Variants in PTPN14 observed in about 807,000 individuals in gnomAD.
The protein encoded by PTPN14 is tyrosine-protein phosphatase non-receptor type 14.
PTPN14 carries 53 observed loss-of-function variants against 126.8 expected under a neutral mutation model. The ratio of observed to expected loss-of-function variants is 0.42; its 90% CI spans 0.34 to 0.53. PTPN14 has a LOEUF of 0.53. PTPN14 is among the 20% of genes least tolerant of loss of function. PTPN14 has a pLI of 0.08. For missense variants in PTPN14, 1,257 were observed against 1,552.9 expected (o/e 0.81, Z 3.20); for synonymous variants, 630 against 599.3 (o/e 1.05, Z -0.75).
In PTPN14 at chr1:214,350,910, T is replaced by C. The variant is rs1316516770; in HGVS notation, c.*7012A>G. On this transcript the variant is annotated 3_prime_UTR_variant, in exon 19 of 19. Coordinates refer to ENST00000366956, the MANE Select transcript of PTPN14 (RefSeq NM_005401.5). ...AACTATACAAGCAATTTTTAAAAAA[T>C]TAAAATAAGATTTCCTAATTACATA... 6.6e-6 allele frequency: 1 copy of C among 151,732 alleles called. No individual in the cohort carries two copies. 9.4% of individuals were successfully genotyped at this position (151,732 alleles called of 1,614,324 possible). A position where few individuals can be genotyped will look rare whatever the true frequency, so the allele number is the denominator to read the frequency against.
chr1:214,481,876 A>T (rs1279871332), intron 1 of PTPN14, among the ~76,000 whole-genome samples: 1 of 151,912 alleles, frequency 6.6e-6, no homozygotes, highest in Non-Finnish European at 1.5e-5. Context: ...AGTCCCAGCT[A>T]CTTGGGAGGC....
At chr1:214,391,879 A>G (rs1285259523) in intron 10 of PTPN14, among the ~76,000 whole-genome samples, 2 of 152,202 alleles carry the variant, frequency 1.3e-5, no homozygotes, top group Admixed American at 1.3e-4. Flanking sequence ...GACTGGCTAA[A>G]TAATACAATA....
At chr1:214,366,744 C>T (rs1010078015) in intron 17 of PTPN14, among the ~76,000 whole-genome samples, 13 of 152,214 alleles carry the variant, frequency 8.5e-5, no homozygotes, top group East Asian at 7.7e-4. Context: ...CGGTGGCTCA[C>T]GCTTGTAATC....
At chr1:214,444,683 C>T (rs1660105211) in intron 3 of PTPN14, among the ~76,000 whole-genome samples, 1 of 152,066 alleles carries the variant, frequency 6.6e-6, no homozygotes. Flanking sequence ...GTGAAGAAAG[C>T]TACTGTAAGG....
intron 3 of PTPN14, among the ~76,000 whole-genome samples, chr1:214,435,681 A>G (rs1446440231): frequency 6.6e-6 from 1 of 152,228 alleles, no homozygotes; most frequent in Non-Finnish European, 1.5e-5. Context: ...AGAAATGCAA[A>G]TCAAAACCAC....
intron 17 of PTPN14, among the ~76,000 whole-genome samples, chr1:214,365,210 G>C (rs1438373020): frequency 6.6e-6 from 1 of 152,170 alleles, no homozygotes; most frequent in African/African-American, 2.4e-5. Context: ...ACTTTGGGGA[G>C]TCTGCTTTTC....
At chr1:214,490,847 A>AG (rs1307615965) in intron 1 of PTPN14, among the ~76,000 whole-genome samples, 1 of 39,044 alleles carries the variant, frequency 2.6e-5, no homozygotes, top group East Asian at 1.0e-3. Context: ...AAGGAAAGGA[A>AG]AGGAAGGGAA....
intron 1 of PTPN14, among the ~76,000 whole-genome samples, chr1:214,503,262 AT>A (rs1227991495): frequency 6.6e-6 from 1 of 152,234 alleles, no homozygotes; most frequent in Non-Finnish European, 1.5e-5. Flanking sequence ...CAAAACTAAT[AT>A]CTAATGACAT....
intron 1 of PTPN14, among the ~76,000 whole-genome samples, chr1:214,500,962 T>C (rs977782691): frequency 6.6e-5 from 10 of 152,174 alleles, no homozygotes; most frequent in Admixed American, 2.0e-4. Context: ...CTAGAAACTA[T>C]GTAAAACACT....
intron 1 of PTPN14, among the ~76,000 whole-genome samples, chr1:214,525,016 T>C (rs1326460143): frequency 1.3e-5 from 2 of 152,220 alleles, no homozygotes; most frequent in Admixed American, 1.3e-4. Context: ...CTGGAGATCA[T>C]GTTGCAATTC....
chr1:214,428,583 G>C (rs972279073), intron 3 of PTPN14, among the ~76,000 whole-genome samples: 3 of 152,014 alleles, frequency 2.0e-5, no homozygotes, highest in Non-Finnish European at 4.4e-5. Flanking sequence ...TTTTGTAAAA[G>C]AACTATCTTT....
chr1:214,507,792 C>T (rs559669789), intron 1 of PTPN14, among the ~76,000 whole-genome samples: 1 of 152,220 alleles, frequency 6.6e-6, no homozygotes, highest in South Asian at 2.1e-4. Context: ...CACTATTAGT[C>T]TATAAAGTGT....
At chr1:214,547,413 C>G (rs1370294483) in intron 1 of PTPN14, among the ~76,000 whole-genome samples, 2 of 152,336 alleles carry the variant, frequency 1.3e-5, no homozygotes, top group Non-Finnish European at 2.9e-5. Flanking sequence ...TAACATTGTT[C>G]TAACATTGTT....
intron 3 of PTPN14, among the ~76,000 whole-genome samples, chr1:214,441,531 G>A (rs1388662542): frequency 6.6e-6 from 1 of 152,180 alleles, no homozygotes; most frequent in African/African-American, 2.4e-5. Flanking sequence ...AAAAGGTAGA[G>A]CAAACAATTA....
intron 9 of PTPN14, 47 bp downstream of exon 9, chr1:214,394,852 A>G (rs1207727854): frequency 1.3e-6 from 2 of 1,540,414 alleles, no homozygotes; most frequent in South Asian, 1.1e-5. Flanking sequence ...GAAAAGTCCA[A>G]AAGCCAGTGT....
chr1:214,481,511 C>CA (rs371949252), intron 1 of PTPN14, among the ~76,000 whole-genome samples: 11,035 of 67,422 alleles, frequency 0.16, 1,409 homozygotes, highest in South Asian at 0.25. Context: ...AACTCCCGCT[C>CA]AAAAAAAAAA....
At position 214,444,478 on chromosome 1, in the gene PTPN14, A is replaced by T. The variant is rs945345355; in HGVS notation, c.344+7327T>A. ...ATATCCAGTAAAATGACATTTCAAA[A>T]TAATAAAAGAACTAAAAGAACTGGA... On this transcript the variant is annotated intron_variant, in intron 3 of 18. Transcript: ENST00000366956. Among the ~76,000 whole-genome samples, 5 of 152,334 alleles carry T rather than the reference A, an allele frequency of 3.3e-5. No individual in the cohort carries two copies. The South Asian group carries it at 8.3e-4, about 25-fold the overall frequency.
intron 1 of PTPN14, among the ~76,000 whole-genome samples, chr1:214,495,090 C>G (rs1661330690): frequency 6.6e-6 from 1 of 152,170 alleles, no homozygotes; most frequent in Admixed American, 6.5e-5. Context: ...CAGAGTTACT[C>G]ATTAAGGTGA....
intron 1 of PTPN14, among the ~76,000 whole-genome samples, chr1:214,467,988 T>C (rs929955209): frequency 6.6e-6 from 1 of 151,874 alleles, no homozygotes; most frequent in African/African-American, 2.4e-5. Flanking sequence ...ATAAAAGAGA[T>C]TTAGGAATTA....
Sources: gnomAD v4.1 joint callset for allele counts (sites outside exome capture counted in the v4.1 genomes callset) on GRCh38, gnomAD v4.1.1 for gene constraint, MANE v1.5 for transcripts, NCBI Gene and HGNC (gene_info 2026-07-23, HGNC 2026-07-21) for gene names.